Variants in SLC25A48 observed in about 807,000 individuals in gnomAD.
SLC25A48 encodes the protein CTC-321K16.1.
Under a neutral mutation model 32.2 loss-of-function variants are expected in SLC25A48, and 29 were observed. The ratio of observed to expected loss-of-function variants is 0.90; its 90% confidence interval spans 0.67 to 1.23. SLC25A48 has a LOEUF of 1.23. SLC25A48 is among the 50% of genes most tolerant of loss of function. The pLI is 0.00. For missense variants in SLC25A48, 399 were observed against 422.7 expected, an observed-to-expected ratio of 0.94 and a Z score of 0.49; for synonymous variants, 164 against 172.3, an observed-to-expected ratio of 0.95 and a Z score of 0.38.
intron 3 of SLC25A48, among the ~76,000 whole-genome samples, chr5:135,707,868 C>T (rs192079351): frequency 4.6e-5 from 7 of 152,308 alleles, no homozygotes; most frequent in Non-Finnish European, 7.4e-5. Context: ...GATTGCTGGA[C>T]TCTGGTGCCT....
intron 1 of SLC25A48, among the ~76,000 whole-genome samples, chr5:135,623,513 A>G (rs1482541401): frequency 6.6e-6 from 1 of 152,194 alleles, no homozygotes; most frequent in African/African-American, 2.4e-5. Context: ...TTGGAGCCAT[A>G]TAAATTGGGT....
intron 3 of SLC25A48, among the ~76,000 whole-genome samples, chr5:135,735,057 C>G (rs375998393): frequency 3.9e-5 from 6 of 152,104 alleles, no homozygotes; most frequent in Middle Eastern, 3.2e-3. Context: ...AGTGGGGTCC[C>G]GCACAGATGG....
chr5:135,652,594 C>A lies in SLC25A48; in HGVS notation c.-521+17638C>A, dbSNP rs1580756392. ...ACTTACAGAAGACTCAGTTGGAGCA[C>A]CATTTGGGATTAAACACCCTGAAAG... On this transcript the variant is annotated intron_variant, in intron 3 of 10. Transcript: ENST00000646290. 2.7e-5 allele frequency: 10 copies of A among 365,464 alleles called. No individual in the cohort carries two copies. The East Asian group carries it at 7.6e-4, about 28-fold the overall frequency. The allele number at this position is 365,464 out of a possible 1,614,324, so 22.6% of individuals were successfully genotyped here.
intron 3 of SLC25A48, among the ~76,000 whole-genome samples, chr5:135,677,492 T>TTTTATTCCTTTC (rs1753799295): frequency 1.3e-5 from 2 of 152,164 alleles, no homozygotes; most frequent in Non-Finnish European, 1.5e-5. Context: ...GTTGTCTGGT[T>TTTTATTCCTTTC]GTTTTGTGTA....
At chr5:135,662,964 C>A (rs1178026904) in intron 3 of SLC25A48, among the ~76,000 whole-genome samples, 1 of 152,284 alleles carries the variant, frequency 6.6e-6, no homozygotes, top group East Asian at 1.9e-4. Flanking sequence ...AGCAATTCTG[C>A]CTGGTGCCCT....
At chr5:135,885,147 T>C (rs971710189) in intron 7 of SLC25A48, among the ~76,000 whole-genome samples, 5 of 152,174 alleles carry the variant, frequency 3.3e-5, no homozygotes, top group Non-Finnish European at 7.3e-5. Flanking sequence ...CACATAAGTA[T>C]GGCGTCTGAA....
intron 6 of SLC25A48, among the ~76,000 whole-genome samples, chr5:135,878,099 T>C (rs948961821): frequency 1.3e-5 from 2 of 152,214 alleles, no homozygotes; most frequent in Admixed American, 1.3e-4. Context: ...GGAGGTCATA[T>C]GCTCTGAAAG....
At chr5:135,862,091 T>C (rs1205265783) in intron 4 of SLC25A48, among the ~76,000 whole-genome samples, 3 of 152,078 alleles carry the variant, frequency 2.0e-5, no homozygotes, top group Non-Finnish European at 4.4e-5. Flanking sequence ...AGGTGGCCTG[T>C]TGGGCATGAG....
At chr5:135,816,038 G>A (rs956924585) in intron 4 of SLC25A48, among the ~76,000 whole-genome samples, 7 of 152,166 alleles carry the variant, frequency 4.6e-5, no homozygotes, top group East Asian at 1.9e-4. Flanking sequence ...CAGTCATGGC[G>A]GAAGGTGAAG....
chr5:135,825,721 G>A, intron 4 of SLC25A48: 1 of 152,782 alleles, frequency 6.5e-6, no homozygotes, highest in Non-Finnish European at 1.5e-5. Flanking sequence ...GCCCCGTCCT[G>A]CAGGTCTCGG....
intron 3 of SLC25A48, among the ~76,000 whole-genome samples, chr5:135,635,371 G>A (rs543492901): frequency 6.6e-6 from 1 of 152,316 alleles, no homozygotes; most frequent in South Asian, 2.1e-4. Flanking sequence ...CCTCTGCTAA[G>A]TCCATAATTA....
chr5:135,801,933 G>C (rs999496628), intron 3 of SLC25A48, among the ~76,000 whole-genome samples: 9 of 151,774 alleles, frequency 5.9e-5, no homozygotes, highest in African/African-American at 2.2e-4. Context: ...TAGGGAAAGA[G>C]GGGATGATAT....
At chr5:135,586,314 A>G (rs1751365288) in intron 1 of SLC25A48, among the ~76,000 whole-genome samples, 1 of 152,262 alleles carries the variant, frequency 6.6e-6, no homozygotes, top group African/African-American at 2.4e-5. Context: ...AGGGCATCCC[A>G]GAGTTCTCAA....
At position 135,836,970 on chromosome 5, in the gene SLC25A48, AC is replaced by A. The variant is rs764093952; in HGVS notation, c.46+2089del. On this transcript the variant is annotated intron_variant, in intron 1 of 7. Transcript: ENST00000681962. The stretch of plus-strand genomic sequence containing the variant: ...TTTTTTTGATATTATCCCCCCCCCC[AC>A]CCCCCCCCCCCACACACACACACAT... Among the ~76,000 whole-genome samples, 816 of 111,628 alleles carry A rather than the reference AC, an allele frequency of 7.3e-3. 22 individuals carry two copies. The highest frequency in any genetic ancestry group is 0.033 in the African/African-American group (662 of 19,968). 73.2% of individuals were successfully genotyped at this position (111,628 alleles called of 152,430 possible). A position where few individuals can be genotyped will look rare whatever the true frequency, so the allele number is the denominator to read the frequency against.
intron 4 of SLC25A48, among the ~76,000 whole-genome samples, chr5:135,853,559 C>G (rs944879900): frequency 1.3e-5 from 2 of 152,216 alleles, no homozygotes; most frequent in Non-Finnish European, 2.9e-5. Flanking sequence ...AGAAGTAACT[C>G]TTCATCCGTT....
chr5:135,728,565 GT>G (rs1755147231), intron 3 of SLC25A48, among the ~76,000 whole-genome samples: 1 of 151,888 alleles, frequency 6.6e-6, no homozygotes, highest in African/African-American at 2.4e-5. Flanking sequence ...TAAATTTCTT[GT>G]TTGTGTATTT....
intron 4 of SLC25A48, among the ~76,000 whole-genome samples, chr5:135,820,625 A>T (rs527638478): frequency 6.7e-6 from 1 of 149,754 alleles, no homozygotes; most frequent in South Asian, 2.1e-4. Context: ...GAGATGGATA[A>T]AAAAAATCAT....
chr5:135,725,430 G>A (rs1004427989), intron 3 of SLC25A48, among the ~76,000 whole-genome samples: 8 of 152,264 alleles, frequency 5.3e-5, no homozygotes, highest in Admixed American at 6.5e-5. Context: ...GAAACAGCAC[G>A]TGCAAAGGCC....
chr5:135,749,819 T>A (rs1402795254), intron 3 of SLC25A48, among the ~76,000 whole-genome samples: 1 of 152,160 alleles, frequency 6.6e-6, no homozygotes, highest in Non-Finnish European at 1.5e-5. Context: ...CTCAAACTCC[T>A]GACCTCAGGT....
Sources: gnomAD v4.1 joint callset for allele counts (sites outside exome capture counted in the v4.1 genomes callset) on GRCh38, gnomAD v4.1.1 for gene constraint, MANE v1.5 for transcripts, NCBI Gene and HGNC (gene_info 2026-07-23, HGNC 2026-07-21) for gene names.